MYO1D: variants seen among roughly 807,000 people sequenced by gnomAD.
MYO1D encodes myosin ID.
A neutral mutation model predicts 122.0 loss-of-function variants in MYO1D; 83 were observed. That is an observed-to-expected ratio of 0.68 (90% CI 0.57 to 0.82). The LOEUF (loss-of-function observed/expected upper bound fraction) is 0.82, where lower values mean the gene tolerates loss of function less well. Among genes scored for constraint, MYO1D ranks in the 40% least tolerant of loss-of-function variants. MYO1D has a pLI of 0.00. For synonymous variants in MYO1D, 464 were observed against 446.9 expected, an observed-to-expected ratio of 1.04 and a Z score of -0.48; for missense variants, 1,157 against 1,269.5, an observed-to-expected ratio of 0.91 and a Z score of 1.35.
chr17:32,724,474 T>C (rs993953460), intron 14 of MYO1D, among the ~76,000 whole-genome samples: 7 of 152,058 alleles, frequency 4.6e-5, no homozygotes, highest in African/African-American at 1.7e-4. Flanking sequence ...ACATGGGAGA[T>C]CTAACAACAC....
chr17:32,744,603 C>T (rs935188481), intron 13 of MYO1D, among the ~76,000 whole-genome samples: 8 of 152,216 alleles, frequency 5.3e-5, no homozygotes, highest in African/African-American at 1.7e-4. Context: ...TGAGTGAATA[C>T]AGTTCTTTAA....
chr17:32,517,276 A>G (rs1001766350), intron 21 of MYO1D, among the ~76,000 whole-genome samples: 1 of 152,236 alleles, frequency 6.6e-6, no homozygotes, highest in African/African-American at 2.4e-5. Context: ...CTGTCACAGG[A>G]TGGGATCCGG....
At chr17:32,797,172 T>C (rs768153104) in intron 1 of MYO1D, among the ~76,000 whole-genome samples, 5 of 152,160 alleles carry the variant, frequency 3.3e-5, no homozygotes, top group Non-Finnish European at 5.9e-5. Context: ...GGTTTCACCA[T>C]GTTGGTCAAG....
In MYO1D at chr17:32,650,456, T is replaced by C. The variant is rs537024559; in HGVS notation, c.2595+3387A>G. ...AACATTTCATCAAATTTTGGGGAAATATCAGCTGTTATTTTAAAAAATATT... is the reference window on the plus strand; with the variant it reads ...AACATTTCATCAAATTTTGGGGAAACATCAGCTGTTATTTTAAAAAATATT... On this transcript the variant is annotated intron_variant, in intron 19 of 21. Transcript: ENST00000318217. 3.9e-5 allele frequency among the ~76,000 whole-genome samples: 6 copies of C among 152,318 alleles called. No homozygotes were observed. In the East Asian group the frequency reaches 1.2e-3, roughly 29 times the overall value.
chr17:32,760,560 T>C lies in MYO1D; in HGVS notation c.1103A>G (p.Tyr368Cys), dbSNP rs746210302. ...GTTTTTCCCATGGATTGTGGTGTCATAGTTCTTGACCTCAATAATATCATT... is the reference window on the plus strand; with the variant it reads ...GTTTTTCCCATGGATTGTGGTGTCACAGTTCTTGACCTCAATAATATCATT... ...RINDIIEVKNYDTTIHGKNTV... is the reference protein window; with the variant it reads ...RINDIIEVKNCDTTIHGKNTV... Residue 368 changes from tyrosine to cysteine, a missense_variant, in exon 9 of 22, where the codon TAT (tyrosine) becomes TGT (cysteine). By Grantham distance (194) the Tyr-to-Cys change is radical. Coordinates refer to ENST00000318217, the MANE Select transcript of MYO1D (RefSeq NM_015194.3). 1.7e-5 allele frequency: 27 copies of C among 1,613,928 alleles called. No individual in the cohort carries two copies. The highest frequency in any genetic ancestry group is 1.7e-4 in the Middle Eastern group (1 of 6,046).
chr17:32,807,342 T>C (rs1044139332), intron 1 of MYO1D, among the ~76,000 whole-genome samples: 3 of 152,130 alleles, frequency 2.0e-5, no homozygotes, highest in African/African-American at 4.8e-5. Flanking sequence ...TAAAACTTTA[T>C]GTTCCTATAC....
intron 19 of MYO1D, among the ~76,000 whole-genome samples, chr17:32,652,036 T>C (rs916291157): frequency 6.6e-6 from 1 of 152,192 alleles, no homozygotes; most frequent in Admixed American, 6.5e-5. Flanking sequence ...TAATTACCTA[T>C]TGATATATAT....
intron 20 of MYO1D, among the ~76,000 whole-genome samples, chr17:32,633,171 T>TTAA (rs72336011): frequency 6.9e-6 from 1 of 145,976 alleles, no homozygotes; most frequent in Non-Finnish European, 1.5e-5. Context: ...AGACTAAATT[T>TTAA]AAAAAAAAAA....
intron 16 of MYO1D, among the ~76,000 whole-genome samples, chr17:32,668,705 C>CTTT (rs528450969): frequency 7.0e-6 from 1 of 141,862 alleles, no homozygotes; most frequent in African/African-American, 2.6e-5. Context: ...ATTTCTTTTT[C>CTTT]TTTTTTTTTT....
chr17:32,632,910 T>G (rs1170335249), intron 20 of MYO1D, among the ~76,000 whole-genome samples: 3 of 152,106 alleles, frequency 2.0e-5, no homozygotes. Context: ...ACTCGGTTTA[T>G]GACAAATATG....
At chr17:32,817,100 A>C (rs140205639) in intron 1 of MYO1D, among the ~76,000 whole-genome samples, 508 of 152,288 alleles carry the variant, frequency 3.3e-3, no homozygotes, top group African/African-American at 0.012. Flanking sequence ...AGTGATTTTT[A>C]AATTTTTTTG....
chr17:32,789,351 C>T (rs978650957), intron 1 of MYO1D, among the ~76,000 whole-genome samples: 9 of 152,142 alleles, frequency 5.9e-5, no homozygotes, highest in South Asian at 2.1e-4. Context: ...TTCTAGTTCT[C>T]ACGGGGAATG....
intron 21 of MYO1D, among the ~76,000 whole-genome samples, chr17:32,517,609 G>A (rs772688399): frequency 1.8e-4 from 28 of 151,982 alleles, no homozygotes; most frequent in Non-Finnish European, 3.1e-4. Flanking sequence ...AGCTCCCTGG[G>A]TGATTTTCCT....
At chr17:32,599,382 T>G (rs1360433543) in intron 21 of MYO1D, among the ~76,000 whole-genome samples, 1 of 152,188 alleles carries the variant, frequency 6.6e-6, no homozygotes, top group African/African-American at 2.4e-5. Context: ...AGGCTCCACT[T>G]CCAATTCAAG....
intron 21 of MYO1D, among the ~76,000 whole-genome samples, chr17:32,587,281 G>A (rs543166935): frequency 3.3e-5 from 5 of 152,332 alleles, no homozygotes; most frequent in Non-Finnish European, 5.9e-5. Context: ...GGAAGCTGAG[G>A]TGAGCGGAAC....
intron 1 of MYO1D, among the ~76,000 whole-genome samples, chr17:32,857,325 C>A (rs2091034944): frequency 6.6e-6 from 1 of 152,138 alleles, no homozygotes; most frequent in Non-Finnish European, 1.5e-5. Context: ...GTGGCTCATG[C>A]CTGTAATCCC....
chr17:32,712,215 A>T lies in MYO1D; in HGVS notation c.1914-20T>A. 6.3e-7 allele frequency: 1 copy of T among 1,595,666 alleles called. No homozygotes were observed. Among genetic ancestry groups the T allele is most frequent in the Non-Finnish European group, 8.6e-7 (1 of 1,164,840 alleles). On this transcript the variant is annotated intron_variant, in intron 15 of 21. Transcript: ENST00000318217. ...TTATACCTGGATGAAAAAAAGAAACAGGGTTAAGGGAGAAAACCATATGGT... is the reference window on the plus strand; with the variant it reads ...TTATACCTGGATGAAAAAAAGAAACTGGGTTAAGGGAGAAAACCATATGGT...
chr17:32,707,114 G>A (rs946975123), intron 16 of MYO1D, among the ~76,000 whole-genome samples: 5 of 152,040 alleles, frequency 3.3e-5, no homozygotes, highest in African/African-American at 1.2e-4. Context: ...AGAGTCAAAT[G>A]ACAACTCTAA....
intron 21 of MYO1D, among the ~76,000 whole-genome samples, chr17:32,501,630 A>C (rs992776650): frequency 6.1e-4 from 93 of 152,326 alleles, no homozygotes; most frequent in African/African-American, 2.1e-3. Flanking sequence ...GGACACATGG[A>C]GGCTGACGGG....
Sources: gnomAD v4.1 joint callset for allele counts (sites outside exome capture counted in the v4.1 genomes callset) on GRCh38, gnomAD v4.1.1 for gene constraint, MANE v1.5 for transcripts, NCBI Gene and HGNC (gene_info 2026-07-23, HGNC 2026-07-21) for gene names.